Variants in PTPRK observed in about 807,000 individuals in gnomAD.
PTPRK encodes protein tyrosine phosphatase receptor type K, also known as receptor-type tyrosine-protein phosphatase kappa.
Under a neutral mutation model 178.0 loss-of-function variants are expected in PTPRK, and 75 were observed. That is an observed-to-expected ratio of 0.42 (90% CI 0.35 to 0.51). The LOEUF is 0.51. PTPRK is among the 20% of genes least tolerant of loss of function. The pLI, the probability that PTPRK is intolerant of heterozygous loss-of-function variation, is 0.02. For missense variants in PTPRK, 1,441 were observed against 1,797.8 expected (o/e 0.80, Z 3.59); for synonymous variants, 637 against 620.6 (o/e 1.03, Z -0.39).
At chr6:128,307,298 C>A (rs17055601) in intron 3 of PTPRK, among the ~76,000 whole-genome samples, 12,075 of 150,454 alleles carry the variant, frequency 0.08, 563 homozygotes, top group African/African-American at 0.12. Flanking sequence ...GGAAGAGTAT[C>A]ATAAATATCC....
chr6:128,437,157 T>C (rs1845704963), intron 1 of PTPRK, among the ~76,000 whole-genome samples: 1 of 152,148 alleles, frequency 6.6e-6, no homozygotes. Context: ...GTTAATAGTG[T>C]TAACTAACTG....
chr6:128,190,856 T>C (rs1033949984), intron 6 of PTPRK, among the ~76,000 whole-genome samples: 6 of 152,158 alleles, frequency 3.9e-5, no homozygotes, highest in Non-Finnish European at 8.8e-5. Flanking sequence ...ACTGGTCAAA[T>C]AAAGTTAATG....
intron 2 of PTPRK, among the ~76,000 whole-genome samples, chr6:128,396,204 CTT>C (rs1365673919): frequency 6.6e-6 from 1 of 151,206 alleles, no homozygotes; most frequent in East Asian, 1.9e-4. Flanking sequence ...AGGACTTACT[CTT>C]TTTGTAGAAA....
At chr6:128,508,972 A>G (rs547226847) in intron 1 of PTPRK, among the ~76,000 whole-genome samples, 12 of 152,150 alleles carry the variant, frequency 7.9e-5, no homozygotes, top group African/African-American at 2.9e-4. Context: ...AAAGAAAAGA[A>G]AAGAAAACGA....
At chr6:128,464,638 CATATATATATATATATATAT>C (rs10665667) in intron 1 of PTPRK, among the ~76,000 whole-genome samples, 2,216 of 48,626 alleles carry the variant, frequency 0.046, 98 homozygotes, top group Non-Finnish European at 0.054. Context: ...TATATATACA[CATATATATATATATATATAT>C]ATATATATAT....
At chr6:128,005,942 T>C (rs2114708113) in intron 14 of PTPRK, 2 of 1,077,960 alleles carry the variant, frequency 1.9e-6, no homozygotes, top group South Asian at 4.3e-5. Flanking sequence ...GTCACCAAAA[T>C]TGCAAGCATT....
chr6:128,178,529 C>T (rs1801432898), intron 7 of PTPRK, among the ~76,000 whole-genome samples: 1 of 151,812 alleles, frequency 6.6e-6, no homozygotes, highest in Admixed American at 6.6e-5. Context: ...AAGTTATTCA[C>T]TTATAACATA....
chr6:128,111,941 G>A (rs1790739007), intron 7 of PTPRK, among the ~76,000 whole-genome samples: 1 of 152,038 alleles, frequency 6.6e-6, no homozygotes, highest in Non-Finnish European at 1.5e-5. Flanking sequence ...ATCTGTGAAT[G>A]ACTTATGATT....
chr6:128,076,846 G>C (rs1330489034), intron 11 of PTPRK, among the ~76,000 whole-genome samples: 1 of 151,974 alleles, frequency 6.6e-6, no homozygotes, highest in Admixed American at 6.6e-5. Context: ...AAGGCTGCAG[G>C]CATCTCTGAT....
Position 128,270,035 on chromosome 6 carries a change from T to A in PTPRK, c.496-27433A>T, listed in dbSNP as rs572856856. Among the ~76,000 whole-genome samples, 3 of 152,248 alleles carry A rather than the reference T, an allele frequency of 2.0e-5. No individual in the cohort carries two copies. The South Asian group carries it at 6.2e-4, about 32-fold the overall frequency. ...CTGCTGATTGTACCTGCTAGTCGAT[T>A]ATCCTTATCCCATAATAGGCAGTTC... On this transcript the variant is annotated intron_variant, in intron 3 of 29. Coordinates refer to ENST00000368226, the MANE Select transcript of PTPRK (RefSeq NM_002844.4).
chr6:128,473,850 A>G lies in PTPRK; in HGVS notation c.100+46409T>C, dbSNP rs573788566. ...ACATTTTTGAAACTCCATTATTTTC[A>G]TTCTAGAATGAGCATCCATTTCTAT... On this transcript the variant is annotated intron_variant, in intron 1 of 29. Coordinates refer to ENST00000368226, the MANE Select transcript of PTPRK (RefSeq NM_002844.4). Among the ~76,000 whole-genome samples the G allele has an allele frequency of 2.8e-4, 42 of 152,190 alleles. 1 individual carries two copies. The highest frequency in any genetic ancestry group is 9.6e-4 in the African/African-American group (40 of 41,570).
intron 1 of PTPRK, among the ~76,000 whole-genome samples, chr6:128,446,170 A>G (rs1308023125): frequency 6.6e-6 from 1 of 152,240 alleles, no homozygotes; most frequent in Non-Finnish European, 1.5e-5. Context: ...GATAAACAAG[A>G]GAAAGGGTAA....
At chr6:128,165,951 T>A (rs1799337715) in intron 7 of PTPRK, among the ~76,000 whole-genome samples, 1 of 151,700 alleles carries the variant, frequency 6.6e-6, no homozygotes, top group African/African-American at 2.4e-5. Flanking sequence ...AAATTCTGCA[T>A]GACAGAAGAA....
intron 7 of PTPRK, among the ~76,000 whole-genome samples, chr6:128,180,982 T>C (rs34885816): frequency 6.6e-6 from 1 of 152,064 alleles, no homozygotes. Context: ...CAAGTTACTG[T>C]TTTGTTTTTG....
At position 128,067,599 on chromosome 6, in the gene PTPRK, A is replaced by G; in HGVS notation, c.2077T>C (p.Tyr693His). ...APFTVGDNRT[Y>H]QGFWNPPLAP... ...AAAGGAGGGTTCCAAAAGCCTTGGT[A>G]GGTCCGATTGTCACCCACAGTGAAC... The change falls in exon 12 of 30, where the codon TAC (tyrosine) becomes CAC (histidine). Residue 693 changes from tyrosine to histidine, a missense_variant. This residue lies in a region of PTPRK where 945 missense variants were observed against 1,080.6 expected (regional missense o/e 0.87). Transcript: ENST00000368226. The G allele has an allele frequency of 2.5e-6, 4 of 1,613,112 alleles. No individual in the cohort carries two copies. Among genetic ancestry groups the G allele is most frequent in the Non-Finnish European group, 3.4e-6 (4 of 1,179,282 alleles).
chr6:128,084,019 A>G (rs1405430662), intron 8 of PTPRK, among the ~76,000 whole-genome samples, 195 bp from the exon 9 acceptor site: 3 of 152,198 alleles, frequency 2.0e-5, no homozygotes, highest in African/African-American at 7.2e-5. Context: ...AAGCAAGTCT[A>G]TAAGGTTCTG....
At chr6:128,095,797 T>C (rs965646190) in intron 7 of PTPRK, among the ~76,000 whole-genome samples, 3 of 152,206 alleles carry the variant, frequency 2.0e-5, no homozygotes, top group African/African-American at 4.8e-5. Context: ...CTGATGAATC[T>C]TGACTTATTT....
intron 3 of PTPRK, among the ~76,000 whole-genome samples, chr6:128,259,633 G>C (rs1817876105): frequency 6.6e-6 from 1 of 152,022 alleles, no homozygotes; most frequent in African/African-American, 2.4e-5. Flanking sequence ...AGTTTGCACT[G>C]GTTAAGTAAC....
At chr6:127,977,716 A>G (rs1380311339) in intron 25 of PTPRK, among the ~76,000 whole-genome samples, 2 of 152,198 alleles carry the variant, frequency 1.3e-5, no homozygotes, top group African/African-American at 4.8e-5. Context: ...CTGAAGCACC[A>G]AAGCATAACA....
Sources: gnomAD v4.1 joint callset for allele counts (sites outside exome capture counted in the v4.1 genomes callset) on GRCh38, gnomAD v4.1.1 for gene constraint, gnomAD v4.1.1 regional missense constraint, MANE v1.5 for transcripts, NCBI Gene and HGNC (gene_info 2026-07-23, HGNC 2026-07-21) for gene names.